The following STOX1 variants were observed in gnomAD, a reference collection of about 807,000 sequenced individuals.
STOX1 encodes storkhead box 1.
STOX1 carries 57 observed loss-of-function variants against 74.8 expected under a neutral mutation model. The observed-to-expected ratio is 0.76, with a 90% CI of 0.62 to 0.95. STOX1 has a LOEUF of 0.95. Ranked by LOEUF, STOX1 falls within the 40% of genes least tolerant of loss-of-function variation. STOX1 has a pLI of 0.00. For synonymous variants in STOX1, 375 were observed against 401.3 expected (o/e 0.93, Z 0.78); for missense variants, 1,010 against 1,117.0 (o/e 0.90, Z 1.37).
At chr10:68,886,960 A>T (rs6480369) in intron 3 of STOX1, among the ~76,000 whole-genome samples, 121,475 of 152,026 alleles carry the variant, frequency 0.8, 49,535 homozygotes, top group East Asian at 0.99. Context: ...GATTAGCCAC[A>T]GTTCTACAGG....
rs778850407 is a variant in STOX1, at chr10:68,882,030, G to C, written c.383G>C (p.Cys128Ser). 1.2e-6 allele frequency: 2 copies of C among 1,613,768 alleles called. No homozygotes were observed. The highest frequency in any genetic ancestry group is 1.7e-5 in the Admixed American group (1 of 60,008). ...GTACCTTTGGGTGAAGTTCTTTGCT[G>C]TGCTATATCTGATATGAATACAGCT... ...QFVPLGEVLCCAISDMNTAQI... is the reference protein window; with the variant it reads ...QFVPLGEVLCSAISDMNTAQI... The change falls in exon 2 of 4, where the codon TGT becomes TCT. Residue 128 changes from cysteine to serine, a missense_variant. By Grantham distance (112) the Cys-to-Ser change is moderately radical. Coordinates refer to ENST00000298596, the MANE Select transcript of STOX1 (RefSeq NM_152709.5).
At chr10:68,838,336 C>T (rs1008601738) in intron 1 of STOX1, among the ~76,000 whole-genome samples, 5 of 151,938 alleles carry the variant, frequency 3.3e-5, no homozygotes, top group Non-Finnish European at 7.4e-5. Flanking sequence ...CAAAGTGATG[C>T]GATTACAGGC....
chr10:68,860,552 A>G (rs1840240343), intron 1 of STOX1, among the ~76,000 whole-genome samples: 1 of 137,234 alleles, frequency 7.3e-6, no homozygotes, highest in Non-Finnish European at 1.5e-5. Context: ...CCTGGGTAAC[A>G]GAGTGAGACT....
chr10:68,857,525 CAG>C (rs1185551650), intron 1 of STOX1, among the ~76,000 whole-genome samples: 1 of 152,086 alleles, frequency 6.6e-6, no homozygotes, highest in African/African-American at 2.4e-5. Flanking sequence ...AACACACGCT[CAG>C]AGTTAGGTAA....
intron 1 of STOX1, among the ~76,000 whole-genome samples, chr10:68,853,893 C>T (rs1840053363): frequency 6.6e-6 from 1 of 152,026 alleles, no homozygotes; most frequent in East Asian, 1.9e-4. Flanking sequence ...CCATGTTGGT[C>T]AGGGTGGTCT....
intron 3 of STOX1, among the ~76,000 whole-genome samples, chr10:68,892,171 T>A (rs535071619): frequency 2.5e-4 from 38 of 152,114 alleles, no homozygotes; most frequent in Non-Finnish European, 5.3e-4. Flanking sequence ...TATAGCTTGT[T>A]CCTTCTAGAA....
At position 68,885,399 on chromosome 10, in the gene STOX1, A is replaced by G; in HGVS notation, c.1603A>G (p.Arg535Gly). 1 of 1,614,198 alleles carries G rather than the reference A, an allele frequency of 6.2e-7. No homozygotes were observed. The highest frequency in any genetic ancestry group is 8.5e-7 in the Non-Finnish European group (1 of 1,180,032). ...GPKEKPFQKPRSLDSSRIFDG... is the reference protein window; with the variant it reads ...GPKEKPFQKPGSLDSSRIFDG... Reference sequence around the variant, plus strand: ...AAAGGAAAAGCCTTTCCAAAAGCCTAGGTCCTTGGATTCCTCAAGAATCTT... The same window carrying G: ...AAAGGAAAAGCCTTTCCAAAAGCCTGGGTCCTTGGATTCCTCAAGAATCTT... Residue 535 changes from arginine to glycine, a missense_variant, in exon 3 of 4, where the codon AGG (arginine) becomes GGG (glycine). Arg to Gly is a moderately radical substitution (Grantham distance 125, BLOSUM62 -2). Coordinates refer to ENST00000298596, the MANE Select transcript of STOX1 (RefSeq NM_152709.5).
intron 1 of STOX1, among the ~76,000 whole-genome samples, chr10:68,839,965 T>C (rs950195864): frequency 6.6e-6 from 1 of 151,916 alleles, no homozygotes; most frequent in Non-Finnish European, 1.5e-5. Context: ...AATTAAAACA[T>C]GTGGTACCAG....
chr10:68,860,136 C>T lies in STOX1; in HGVS notation c.311-21822C>T, dbSNP rs188490010. On this transcript the variant is annotated intron_variant, in intron 1 of 3. Transcript: ENST00000298596. ...GAAACCCCAAAAATTAGCATGGTGG[C>T]GGGTGCTTGTAATCCCAGCTACTCG... 6.4e-4 allele frequency among the ~76,000 whole-genome samples: 97 copies of T among 151,510 alleles called. 2 individuals are homozygous for T. The highest frequency in any genetic ancestry group is 2.2e-3 in the African/African-American group (89 of 41,186).
chr10:68,831,720 A>C (rs573425898), intron 1 of STOX1, among the ~76,000 whole-genome samples: 46 of 152,120 alleles, frequency 3.0e-4, no homozygotes, highest in Non-Finnish European at 5.6e-4. Flanking sequence ...AACTTAAGTC[A>C]TGCAGAGGTT....
chr10:68,890,654 T>TC (rs1841076494), intron 3 of STOX1, among the ~76,000 whole-genome samples: 1 of 147,880 alleles, frequency 6.8e-6, no homozygotes, highest in African/African-American at 2.5e-5. Flanking sequence ...CTTTTCTTTT[T>TC]TTTTTTTTTT....
chr10:68,855,336 G>A (rs1170329095), intron 1 of STOX1, among the ~76,000 whole-genome samples: 2 of 151,888 alleles, frequency 1.3e-5, no homozygotes, highest in Admixed American at 6.5e-5. Flanking sequence ...GGTCAGACTG[G>A]CCTTGAACTC....
intron 1 of STOX1, among the ~76,000 whole-genome samples, chr10:68,853,289 GC>G (rs1840036145): frequency 1.3e-5 from 2 of 152,100 alleles, no homozygotes; most frequent in Admixed American, 1.3e-4. Flanking sequence ...GCCTTAAGCA[GC>G]ACTTATTCAG....
chr10:68,890,302 T>G (rs1841067476), intron 3 of STOX1, among the ~76,000 whole-genome samples: 1 of 151,778 alleles, frequency 6.6e-6, no homozygotes, highest in African/African-American at 2.4e-5. Context: ...GACCACAGGC[T>G]TGCACCACCA....
intron 3 of STOX1, among the ~76,000 whole-genome samples, chr10:68,889,074 C>T (rs965793740): frequency 2.6e-5 from 4 of 152,038 alleles, no homozygotes; most frequent in African/African-American, 4.8e-5. Context: ...TAGGCCTCCT[C>T]GGCTCAAGCC....
intron 1 of STOX1, among the ~76,000 whole-genome samples, chr10:68,864,259 G>A (rs1385480355): frequency 2.0e-5 from 3 of 152,118 alleles, no homozygotes; most frequent in East Asian, 1.9e-4. Flanking sequence ...TAGGCCGTCC[G>A]AAAAACTTTA....
intron 1 of STOX1, among the ~76,000 whole-genome samples, chr10:68,849,206 G>A (rs1839922766): frequency 6.6e-6 from 1 of 152,162 alleles, no homozygotes; most frequent in Admixed American, 6.5e-5. Flanking sequence ...GGTTCAACCA[G>A]GCATTATTGG....
Position 68,885,150 on chromosome 10 carries a change from C to T in STOX1, c.1354C>T (p.His452Tyr), listed in dbSNP as rs575798209. 1.2e-6 allele frequency: 2 copies of T among 1,613,706 alleles called. No individual in the cohort carries two copies. The highest frequency in any genetic ancestry group is 2.2e-5 in the South Asian group (2 of 91,004). ...FQPGSIRLEK[H>Y]PKLPATQPIP... ...GCCAGGAAGCATTAGACTGGAGAAA[C>T]ACCCCAAGCTCCCTGCTACACAGCC... The change falls in exon 3 of 4, where the codon CAC (histidine) becomes TAC (tyrosine). Residue 452 changes from histidine (H) to tyrosine (Y), a missense_variant. His to Tyr is a moderately conservative substitution (Grantham distance 83). Coordinates refer to ENST00000298596, the MANE Select transcript of STOX1 (RefSeq NM_152709.5).
intron 1 of STOX1, among the ~76,000 whole-genome samples, chr10:68,838,123 G>A (rs746314273): frequency 1.1e-4 from 17 of 150,376 alleles, no homozygotes; most frequent in Non-Finnish European, 1.9e-4. Flanking sequence ...CTGGAGTGTC[G>A]TGGTGTGATC....
Sources: gnomAD v4.1 joint callset for allele counts (sites outside exome capture counted in the v4.1 genomes callset) on GRCh38, gnomAD v4.1.1 for gene constraint, MANE v1.5 for transcripts, NCBI Gene and HGNC (gene_info 2026-07-23, HGNC 2026-07-21) for gene names.